FAM107A: variants seen among roughly 807,000 people sequenced by gnomAD.
FAM107A encodes the protein actin-associated protein FAM107A.
A neutral mutation model predicts 13.7 loss-of-function variants in FAM107A; 19 were observed. That is an observed-to-expected ratio of 1.38 (90% CI 0.97 to 2.03). The LOEUF (loss-of-function observed/expected upper bound fraction) is 2.03, where lower values mean the gene tolerates loss of function less well. Among genes scored for constraint, FAM107A ranks in the 30% most tolerant of loss-of-function variants. FAM107A has a pLI of 0.00. For synonymous variants in FAM107A, 82 were observed against 74.5 expected (o/e 1.10, Z -0.52); for missense variants, 203 against 184.4 (o/e 1.10, Z -0.58).
intron 1 of FAM107A, among the ~76,000 whole-genome samples, chr3:58,618,842 T>G (rs2065927875): frequency 6.6e-6 from 1 of 151,980 alleles, no homozygotes; most frequent in Non-Finnish European, 1.5e-5. Context: ...TCTTCAATTC[T>G]GTTTCTGGGG....
intron 1 of FAM107A, among the ~76,000 whole-genome samples, chr3:58,583,370 C>T (rs1392119691): frequency 6.6e-6 from 1 of 152,128 alleles, no homozygotes; most frequent in Non-Finnish European, 1.5e-5. Flanking sequence ...TGCCTGTAAT[C>T]CCAGCACTTT....
intron 1 of FAM107A, among the ~76,000 whole-genome samples, chr3:58,606,517 T>C (rs970581275): frequency 1.3e-5 from 2 of 152,232 alleles, no homozygotes; most frequent in African/African-American, 4.8e-5. Flanking sequence ...TCACAAGGTG[T>C]AGAATTGAGA....
chr3:58,621,377 T>G (rs2065953590), intron 1 of FAM107A, among the ~76,000 whole-genome samples: 2 of 152,122 alleles, frequency 1.3e-5, no homozygotes, highest in Non-Finnish European at 2.9e-5. Flanking sequence ...AAGGGCCCTG[T>G]GCTTGGTTTA....
At chr3:58,575,101 C>T (rs2063719981) in intron 1 of FAM107A, among the ~76,000 whole-genome samples, 1 of 152,120 alleles carries the variant, frequency 6.6e-6, no homozygotes, top group Non-Finnish European at 1.5e-5. Flanking sequence ...CTCCACTGTT[C>T]TGGTAGTCAT....
chr3:58,605,047 T>C (rs1335294495), intron 1 of FAM107A, among the ~76,000 whole-genome samples: 2 of 152,220 alleles, frequency 1.3e-5, no homozygotes, highest in African/African-American at 2.4e-5. Context: ...CCCTTTAACT[T>C]GGTAGGACTC....
intron 1 of FAM107A, among the ~76,000 whole-genome samples, chr3:58,619,437 G>A (rs2065933105): frequency 6.6e-6 from 1 of 152,168 alleles, no homozygotes; most frequent in African/African-American, 2.4e-5. Flanking sequence ...GGGCCCCTAC[G>A]AGGCTGAAGA....
At chr3:58,605,567 A>T (rs1419541234) in intron 1 of FAM107A, among the ~76,000 whole-genome samples, 1 of 152,182 alleles carries the variant, frequency 6.6e-6, no homozygotes, top group African/African-American at 2.4e-5. Flanking sequence ...CTCACCTTGT[A>T]AGTTTCCTTT....
chr3:58,606,150 C>T (rs551416869), intron 1 of FAM107A, among the ~76,000 whole-genome samples: 3 of 152,312 alleles, frequency 2.0e-5, no homozygotes, highest in African/African-American at 7.2e-5. Flanking sequence ...GGCTAGAGTG[C>T]AGTGGTACAA....
In FAM107A at chr3:58,569,983, C is replaced by T. The variant is rs866638195; in HGVS notation, c.-5-118G>A. The T allele has an allele frequency of 1.7e-5, 17 of 998,392 alleles. No individual in the cohort carries two copies. The highest frequency in any genetic ancestry group is 2.7e-4 in the Middle Eastern group (1 of 3,748). The allele number at this position is 998,392 out of a possible 1,614,324, so 61.8% of individuals were successfully genotyped here. On this transcript the variant is annotated intron_variant, in intron 1 of 3. Transcript: ENST00000360997. The surrounding 1 kb of genome is among the most constrained non-coding windows in gnomAD (Gnocchi z 5.7). Reference sequence around the variant, plus strand: ...GATGGACCTTGGCCACCTGCTACTGCGCATACCTGGGCAAGCTACCTGACT... The same window carrying T: ...GATGGACCTTGGCCACCTGCTACTGTGCATACCTGGGCAAGCTACCTGACT...
At chr3:58,605,842 G>C (rs2065789921) in intron 1 of FAM107A, among the ~76,000 whole-genome samples, 1 of 152,230 alleles carries the variant, frequency 6.6e-6, no homozygotes, top group African/African-American at 2.4e-5. Context: ...AGGCACAGTA[G>C]TAGACCCAAG....
At chr3:58,623,905 C>A (rs1200707876) in intron 1 of FAM107A, among the ~76,000 whole-genome samples, 2 of 152,198 alleles carry the variant, frequency 1.3e-5, no homozygotes, top group Non-Finnish European at 2.9e-5. Flanking sequence ...TTAAGGGTGG[C>A]ATTACGGTCA....
intron 1 of FAM107A, among the ~76,000 whole-genome samples, chr3:58,619,838 G>A (rs1249032325): frequency 6.6e-6 from 1 of 152,206 alleles, no homozygotes; most frequent in Non-Finnish European, 1.5e-5. Flanking sequence ...TTGTGCAGGT[G>A]GAAAGTGTGT....
upstream of FAM107A, among the ~76,000 whole-genome samples, chr3:58,590,931 T>G (rs2065649690): frequency 1.3e-5 from 2 of 152,202 alleles, no homozygotes; most frequent in Non-Finnish European, 2.9e-5. Context: ...CCCTTCTGTG[T>G]CATGTTTTCC....
chr3:58,612,644 C>A (rs931090455), intron 1 of FAM107A, among the ~76,000 whole-genome samples: 1 of 151,092 alleles, frequency 6.6e-6, no homozygotes, highest in Non-Finnish European at 1.5e-5. Context: ...ACTCATGCCA[C>A]AGTGTCACAG....
chr3:58,569,277 C>T lies in FAM107A; in HGVS notation c.170+414G>A, dbSNP rs2063656720. Among the ~76,000 whole-genome samples, 1 of 152,208 alleles carries T rather than the reference C, an allele frequency of 6.6e-6. No individual in the cohort carries two copies. The highest frequency in any genetic ancestry group is 2.4e-5 in the African/African-American group (1 of 41,462). On this transcript the variant is annotated intron_variant, in intron 2 of 3. Coordinates refer to ENST00000360997, the MANE Select transcript of FAM107A (RefSeq NM_001076778.3). This position sits in a 1 kb window ranked among gnomAD's most constrained non-coding sequence, Gnocchi z 5.7. ...CATTTTAGACCCCTCTCGGGTTCCT[C>T]CTCTGGGGTCTCAGGCCTATTTATG... is the stretch of plus-strand genomic sequence containing the variant.
At position 58,568,849 on chromosome 3, in the gene FAM107A, C is replaced by T. The variant is rs2063651360; in HGVS notation, c.170+842G>A. On this transcript the variant is annotated intron_variant, in intron 2 of 3. Coordinates refer to ENST00000360997, the MANE Select transcript of FAM107A (RefSeq NM_001076778.3). Reference sequence around the variant, plus strand: ...CTCCAAGGGGAGGCTCAGCCTTCCTCTTCTCCAATTCACATCCCATCAATT... The same window carrying T: ...CTCCAAGGGGAGGCTCAGCCTTCCTTTTCTCCAATTCACATCCCATCAATT... 1.3e-5 allele frequency among the ~76,000 whole-genome samples: 2 copies of T among 152,220 alleles called. 1 individual carries two copies. The highest frequency in any genetic ancestry group is 4.1e-4 in the South Asian group (2 of 4,834).
intron 1 of FAM107A, among the ~76,000 whole-genome samples, chr3:58,603,071 C>T (rs1433301399): frequency 6.6e-6 from 1 of 152,038 alleles, no homozygotes; most frequent in Non-Finnish European, 1.5e-5. Context: ...TCTTGAGTTT[C>T]GTTTTTTCAA....
At chr3:58,609,523 C>T (rs1465111831) in intron 1 of FAM107A, among the ~76,000 whole-genome samples, 1 of 152,180 alleles carries the variant, frequency 6.6e-6, no homozygotes, top group Non-Finnish European at 1.5e-5. Flanking sequence ...GCCTGAGCTG[C>T]TATGCTCTAA....
upstream of FAM107A, among the ~76,000 whole-genome samples, chr3:58,588,107 A>T (rs2065625399): frequency 6.6e-6 from 1 of 152,178 alleles, no homozygotes; most frequent in East Asian, 1.9e-4. Flanking sequence ...TTTACAGGTG[A>T]GGTCGTTGAG....
Sources: allele counts gnomAD v4.1 joint callset (sites outside exome capture counted in the v4.1 genomes callset), GRCh38; gene constraint gnomAD v4.1.1; non-coding constraint Gnocchi (gnomAD v3.1); transcripts MANE v1.5; gene names NCBI Gene and HGNC (gene_info 2026-07-23, HGNC 2026-07-21).